Variants in CLCN4 observed in about 807,000 individuals in gnomAD.
CLCN4 encodes H(+)/Cl(-) exchange transporter 4.
CLCN4 carries 1 observed loss-of-function variant against 41.7 expected under a neutral mutation model. That is an observed-to-expected ratio of 0.02 (90% CI 0.01 to 0.11). The LOEUF (loss-of-function observed/expected upper bound fraction) is 0.11, where lower values mean the gene tolerates loss of function less well. CLCN4 is among the 10% of genes least tolerant of loss of function. The probability of loss-of-function intolerance (pLI) is 1.00; values close to 1 mark genes in which losing one functional copy is unlikely to be tolerated. For missense variants in CLCN4, 287 were observed against 661.0 expected (o/e 0.43, Z 6.20); for synonymous variants, 277 against 285.8 (o/e 0.97, Z 0.31).
intron 3 of CLCN4, among the ~76,000 whole-genome samples, chrX:10,186,751 G>A (rs1204001569): frequency 1.8e-5 from 2 of 111,998 alleles, no homozygotes; most frequent in African/African-American, 3.3e-5. Context: ...TGCATCCTGC[G>A]GGCCAAAGCC....
At chrX:10,196,711 C>T (rs764870269) in intron 5 of CLCN4, among the ~76,000 whole-genome samples, 2 of 111,355 alleles carry the variant, frequency 1.8e-5, no homozygotes, top group Admixed American at 1.9e-4. Context: ...TCCATTACTT[C>T]CAAAAAGAAA....
chrX:10,168,046 T>C (rs971945186), intron 2 of CLCN4, among the ~76,000 whole-genome samples: 11 of 111,757 alleles, frequency 9.8e-5, no homozygotes, highest in African/African-American at 3.3e-4. Flanking sequence ...CCTTCCTAGG[T>C]TGGAGAGGAG....
At chrX:10,174,792 G>C (rs1268276597) in intron 2 of CLCN4, among the ~76,000 whole-genome samples, 1 of 111,962 alleles carries the variant, frequency 8.9e-6, no homozygotes, top group Non-Finnish European at 1.9e-5. Context: ...GCTCAAGTCA[G>C]GAAAGACTGT....
At chrX:10,203,584 C>T (rs992299069) in intron 6 of CLCN4, among the ~76,000 whole-genome samples, 3 of 111,817 alleles carry the variant, frequency 2.7e-5, no homozygotes, top group East Asian at 2.8e-4. Flanking sequence ...GAGTGTTTCA[C>T]GGCTCTCCCT....
rs1380906908 is a variant in CLCN4 at position 10,180,785 on chromosome X, AAAAAAAAAAG to A, written c.-11-4233_-11-4224del. Among the ~76,000 whole-genome samples the A allele has an allele frequency of 4.2e-3, 445 of 105,942 alleles. 6 individuals are homozygous for A. Among genetic ancestry groups the A allele is most frequent in the African/African-American group, 0.014 (411 of 29,075 alleles). The allele number at this position is 105,942 out of a possible 115,157, so 92.0% of individuals were successfully genotyped here. On this transcript the variant is annotated intron_variant, in intron 2 of 12. Coordinates refer to ENST00000380833, the MANE Select transcript of CLCN4 (RefSeq NM_001830.4). The stretch of plus-strand genomic sequence containing the variant: ...TCCATCTCAAAAAAAAAAAAAAAAA[AAAAAAAAAAG>A]AAAGAAAGAAAAGAAAAGAAATACT...
Position 10,212,595 on chromosome X carries a change from C to T in CLCN4, c.1518C>T (p.Pro506=), listed in dbSNP as rs749694905. 16 of 1,209,128 alleles carry T rather than the reference C, an allele frequency of 1.3e-5. No individual in the cohort carries two copies. The highest frequency in any genetic ancestry group is 8.9e-5 in the East Asian group (3 of 33,689). ...DWIIFRNWCR[P]GADCVTPGLY... ...TCATCTTCAGGAACTGGTGCAGACCCGGTGCAGACTGTGTCACGCCAGGGC... is the reference window on the plus strand; with the variant it reads ...TCATCTTCAGGAACTGGTGCAGACCTGGTGCAGACTGTGTCACGCCAGGGC... Residue 506 remains proline, a synonymous_variant, in exon 10 of 13, where the codon CCC becomes CCT. Coordinates refer to ENST00000380833, the MANE Select transcript of CLCN4 (RefSeq NM_001830.4).
At chrX:10,211,525 A>C (rs934438759) in intron 9 of CLCN4, among the ~76,000 whole-genome samples, 1 of 111,697 alleles carries the variant, frequency 9.0e-6, no homozygotes, top group Non-Finnish European at 1.9e-5. Context: ...GATGTAGAAT[A>C]AGGGGAAGCT....
chrX:10,233,682 G>A lies in CLCN4; in HGVS notation c.*98G>A. 2.8e-6 allele frequency: 2 copies of A among 704,007 alleles called. No homozygotes were observed. The highest frequency in any genetic ancestry group is 4.3e-6 in the Non-Finnish European group (2 of 466,121). 58.0% of individuals were successfully genotyped at this position (704,007 alleles called of 1,213,427 possible). On this transcript the variant is annotated 3_prime_UTR_variant, in exon 13 of 13. Coordinates refer to ENST00000380833, the MANE Select transcript of CLCN4 (RefSeq NM_001830.4). The stretch of plus-strand genomic sequence containing the variant: ...TCCCAATGAAAGATCATGCATTGGG[G>A]ACAGCAGAAACAAAAGCTTTTTTGG...
At chrX:10,162,686 C>G (rs1923138314) in intron 2 of CLCN4, among the ~76,000 whole-genome samples, 1 of 112,086 alleles carries the variant, frequency 8.9e-6, no homozygotes, top group African/African-American at 3.2e-5. Flanking sequence ...GTCATGTAGC[C>G]TCTGGAAAAT....
chrX:10,208,003 C>T (rs1382680602), intron 8 of CLCN4, 42 bp from the exon 9 acceptor site: 1 of 1,130,147 alleles, frequency 8.8e-7, no homozygotes, highest in Non-Finnish European at 1.2e-6. Flanking sequence ...CTGAGCAGCT[C>T]TTTCTCCGGC....
At chrX:10,203,385 C>A (rs778171826) in intron 6 of CLCN4, among the ~76,000 whole-genome samples, 1 of 111,271 alleles carries the variant, frequency 9.0e-6, no homozygotes, top group East Asian at 2.8e-4. Context: ...TTGTCTGCCA[C>A]GAGTTCAAGG....
At chrX:10,189,866 G>A (rs1923911410) in intron 4 of CLCN4, among the ~76,000 whole-genome samples, 1 of 112,560 alleles carries the variant, frequency 8.9e-6, no homozygotes, top group African/African-American at 3.2e-5. Context: ...CAGCAAGGAA[G>A]ATTGGGTGTG....
chrX:10,184,352 C>T lies in CLCN4; in HGVS notation c.-11-670C>T, dbSNP rs143694123. ...CCCAGATCAATACTCGTGGAGCTTT[C>T]GAGGTTGTTCATAGATACGTGTGTG... On this transcript the variant is annotated intron_variant, in intron 2 of 12. Transcript: ENST00000380833. 3.8e-3 allele frequency among the ~76,000 whole-genome samples: 425 copies of T among 111,374 alleles called. 1 individual carries two copies. The highest frequency in any genetic ancestry group is 0.013 in the African/African-American group (411 of 30,617).
rs1383818078 is a variant in CLCN4 at position 10,236,798 on chromosome X, G to A, written c.*3214G>A. The A allele has an allele frequency of 9.0e-6, 1 of 110,505 alleles. No individual in the cohort carries two copies. Among genetic ancestry groups the A allele is most frequent in the Non-Finnish European group, 1.9e-5 (1 of 52,866 alleles). The allele number at this position is 110,505 out of a possible 1,213,427, so 9.1% of individuals were successfully genotyped here. A position where few individuals can be genotyped will look rare whatever the true frequency, so the allele number is the denominator to read the frequency against. Reference sequence around the variant, plus strand: ...ACTTTCTGGATTCCTTCTGAATCGGGTTTTAACATAAAAAACCATCAACAC... The same window carrying A: ...ACTTTCTGGATTCCTTCTGAATCGGATTTTAACATAAAAAACCATCAACAC... On this transcript the variant is annotated 3_prime_UTR_variant, in exon 13 of 13. Coordinates refer to ENST00000380833, the MANE Select transcript of CLCN4 (RefSeq NM_001830.4).
chrX:10,214,119 G>T lies in CLCN4; in HGVS notation c.1975+40G>T, dbSNP rs765610650. 8.0e-6 allele frequency: 9 copies of T among 1,118,233 alleles called. No individual in the cohort carries two copies. In the South Asian group the frequency reaches 2.0e-4, roughly 25 times the overall value. 92.2% of individuals were successfully genotyped at this position (1,118,233 alleles called of 1,213,427 possible). A position where few individuals can be genotyped will look rare whatever the true frequency, so the allele number is the denominator to read the frequency against. Reference sequence around the variant, plus strand: ...GGAAGCTCACATTTTACCAAGAGCCGAATGGCATCCTTTGTACCCCTAACA... The same window carrying T: ...GGAAGCTCACATTTTACCAAGAGCCTAATGGCATCCTTTGTACCCCTAACA... On this transcript the variant is annotated intron_variant, in intron 11 of 12. Transcript: ENST00000380833.
chrX:10,167,343 G>T (rs1162076439), intron 2 of CLCN4, among the ~76,000 whole-genome samples: 1 of 111,847 alleles, frequency 8.9e-6, no homozygotes, highest in African/African-American at 3.3e-5. Flanking sequence ...TTAAAAGCAA[G>T]ACTCAAAATG....
At chrX:10,199,900 G>A (rs983019002) in intron 6 of CLCN4, among the ~76,000 whole-genome samples, 6 of 110,068 alleles carry the variant, frequency 5.5e-5, no homozygotes, top group South Asian at 3.8e-4. Flanking sequence ...CTGGGGTTGC[G>A]GATGTGTACC....
chrX:10,198,190 A>G, intron 6 of CLCN4, 129 bp downstream of exon 6: 11 of 630,764 alleles, frequency 1.7e-5, no homozygotes, highest in Non-Finnish European at 2.4e-5. Flanking sequence ...TAAGACTATG[A>G]CGTAGGTACT....
chrX:10,199,121 T>C (rs920147046), intron 6 of CLCN4, among the ~76,000 whole-genome samples: 3 of 112,590 alleles, frequency 2.7e-5, no homozygotes, highest in African/African-American at 9.7e-5. Context: ...TGTTAACATA[T>C]TGCTTCAGGA....
Sources: allele counts gnomAD v4.1 joint callset (sites outside exome capture counted in the v4.1 genomes callset), GRCh38; gene constraint gnomAD v4.1.1; transcripts MANE v1.5; gene names NCBI Gene and HGNC (gene_info 2026-07-23, HGNC 2026-07-21).